The following SGCZ variants were observed in gnomAD, a reference collection of about 807,000 sequenced individuals.
SGCZ encodes zeta-sarcoglycan.
A neutral mutation model predicts 41.3 loss-of-function variants in SGCZ; 40 were observed. The ratio of observed to expected loss-of-function variants is 0.97; its 90% CI spans 0.75 to 1.26. The LOEUF is 1.26. SGCZ is among the 50% of genes most tolerant of loss of function. The pLI is 0.00. For synonymous variants in SGCZ, 206 were observed against 137.5 expected (o/e 1.50, Z -3.49); for missense variants, 552 against 369.8 (o/e 1.49, Z -4.04).
At chr8:14,876,605 G>A (rs563373444) in intron 1 of SGCZ, among the ~76,000 whole-genome samples, 1 of 152,148 alleles carries the variant, frequency 6.6e-6, no homozygotes, top group African/African-American at 2.4e-5. Context: ...TCGCCGTAAA[G>A]CTCTAAAACG....
intron 4 of SGCZ, among the ~76,000 whole-genome samples, chr8:14,232,990 T>G (rs1806625621): frequency 6.6e-6 from 1 of 152,100 alleles, no homozygotes; most frequent in Non-Finnish European, 1.5e-5. Context: ...GAACTTCTTC[T>G]TGTTTATGAC....
At chr8:15,043,878 A>C (rs1351081618) in intron 1 of SGCZ, among the ~76,000 whole-genome samples, 1 of 152,062 alleles carries the variant, frequency 6.6e-6, no homozygotes, top group African/African-American at 2.4e-5. Flanking sequence ...TCTTCAGTTG[A>C]AAACCAAACA....
intron 1 of SGCZ, among the ~76,000 whole-genome samples, chr8:14,841,542 T>C (rs569041263): frequency 3.0e-4 from 45 of 152,292 alleles, no homozygotes; most frequent in Non-Finnish European, 5.0e-4. Flanking sequence ...TGGGATAATT[T>C]TAAATAGTAG....
intron 1 of SGCZ, among the ~76,000 whole-genome samples, chr8:14,879,530 T>C (rs1030885108): frequency 1.3e-5 from 2 of 151,966 alleles, no homozygotes; most frequent in African/African-American, 2.4e-5. Flanking sequence ...GCTCTGAGTT[T>C]CTTATATATC....
At chr8:14,490,767 C>A (rs76720570) in intron 2 of SGCZ, among the ~76,000 whole-genome samples, 1 of 152,022 alleles carries the variant, frequency 6.6e-6, no homozygotes, top group South Asian at 2.1e-4. Context: ...TTATGACAAT[C>A]CAGATTCTCA....
intron 3 of SGCZ, among the ~76,000 whole-genome samples, chr8:14,286,005 G>T (rs141260235): frequency 1.3e-5 from 2 of 151,974 alleles, no homozygotes; most frequent in African/African-American, 4.8e-5. Context: ...TTATTATCAG[G>T]ATAAATTATT....
chr8:15,041,990 GA>G (rs1319219596), intron 1 of SGCZ, among the ~76,000 whole-genome samples: 1 of 152,076 alleles, frequency 6.6e-6, no homozygotes, highest in Non-Finnish European at 1.5e-5. Flanking sequence ...GCTAAAGGAA[GA>G]AAATGAAAAT....
intron 2 of SGCZ, among the ~76,000 whole-genome samples, chr8:14,440,639 T>C (rs1269128623): frequency 6.6e-6 from 1 of 152,048 alleles, no homozygotes; most frequent in Admixed American, 6.6e-5. Flanking sequence ...GGCAAAATGA[T>C]TGTTCATATA....
chr8:14,137,601 A>C (rs1344717554), intron 5 of SGCZ, among the ~76,000 whole-genome samples: 2 of 152,186 alleles, frequency 1.3e-5, no homozygotes, highest in Non-Finnish European at 2.9e-5. Context: ...CAAATAAATG[A>C]CATGAAGTGA....
At chr8:15,179,639 T>G (rs193143903) in intron 1 of SGCZ, among the ~76,000 whole-genome samples, 1 of 152,094 alleles carries the variant, frequency 6.6e-6, no homozygotes, top group African/African-American at 2.4e-5. Flanking sequence ...GTTTTGGAAA[T>G]AATTTATGAC....
intron 3 of SGCZ, chr8:14,319,430 T>G (rs1377558650): frequency 6.6e-6 from 1 of 152,018 alleles, no homozygotes; most frequent in East Asian, 1.9e-4. Context: ...GCATGAATGA[T>G]TTCAAGGATT....
chr8:14,453,079 G>T (rs1047327641), intron 2 of SGCZ, among the ~76,000 whole-genome samples: 3 of 152,096 alleles, frequency 2.0e-5, no homozygotes, highest in Admixed American at 2.0e-4. Flanking sequence ...CTGAACTCTA[G>T]CCTGGGTGAC....
At chr8:14,824,417 A>C (rs924968794) in intron 1 of SGCZ, among the ~76,000 whole-genome samples, 1 of 152,122 alleles carries the variant, frequency 6.6e-6, no homozygotes, top group African/African-American at 2.4e-5. Flanking sequence ...AAAAATTTTC[A>C]TGTCTACTCC....
At chr8:14,796,223 G>C (rs1359494469) in intron 1 of SGCZ, among the ~76,000 whole-genome samples, 1 of 152,140 alleles carries the variant, frequency 6.6e-6, no homozygotes, top group Non-Finnish European at 1.5e-5. Context: ...TGTTATTTCT[G>C]TCATTACATC....
intron 1 of SGCZ, among the ~76,000 whole-genome samples, chr8:15,113,402 C>A (rs953340925): frequency 5.3e-5 from 8 of 152,096 alleles, no homozygotes; most frequent in Non-Finnish European, 1.0e-4. Context: ...TCTTACAAGT[C>A]CTCAATTCAG....
chr8:14,439,919 A>G (rs1800198969), intron 2 of SGCZ, among the ~76,000 whole-genome samples: 1 of 152,034 alleles, frequency 6.6e-6, no homozygotes, highest in Non-Finnish European at 1.5e-5. Flanking sequence ...TATATTGGTA[A>G]CTGACTTAAA....
At chr8:14,415,950 C>T (rs951524870) in intron 2 of SGCZ, among the ~76,000 whole-genome samples, 1 of 151,872 alleles carries the variant, frequency 6.6e-6, no homozygotes, top group African/African-American at 2.4e-5. Context: ...ATAATAATTT[C>T]TCTATAATAA....
intron 2 of SGCZ, among the ~76,000 whole-genome samples, chr8:14,456,266 GGT>G (rs1800741099): frequency 6.6e-6 from 1 of 152,034 alleles, no homozygotes; most frequent in African/African-American, 2.4e-5. Context: ...AAATTAGCCG[GGT>G]GTGGTGGTGC....
chr8:14,223,793 C>G (rs1424115543), intron 4 of SGCZ, among the ~76,000 whole-genome samples: 1 of 152,120 alleles, frequency 6.6e-6, no homozygotes, highest in Non-Finnish European at 1.5e-5. Context: ...TTCACACCAT[C>G]CAAAATAAAG....
Sources: gnomAD v4.1 joint callset for allele counts (sites outside exome capture counted in the v4.1 genomes callset) on GRCh38, gnomAD v4.1.1 for gene constraint, MANE v1.5 for transcripts, NCBI Gene and HGNC (gene_info 2026-07-23, HGNC 2026-07-21) for gene names.